HIPK3: variants seen among roughly 807,000 people sequenced by gnomAD.
The protein encoded by HIPK3 is homeodomain-interacting protein kinase 3.
In HIPK3, 47 loss-of-function variants were observed where a neutral mutation model predicts 124.2. The observed-to-expected ratio is 0.38, with a 90% CI of 0.30 to 0.48. HIPK3 has a LOEUF of 0.48. Ranked by LOEUF, HIPK3 falls within the 20% of genes least tolerant of loss-of-function variation. The pLI, the probability that HIPK3 is intolerant of heterozygous loss-of-function variation, is 0.98. For missense variants in HIPK3, 1,286 were observed against 1,454.3 expected (o/e 0.88, Z 1.88); for synonymous variants, 482 against 515.2 (o/e 0.94, Z 0.87).
chr11:33,309,638 T>C (rs1396610733), intron 2 of HIPK3, among the ~76,000 whole-genome samples: 2 of 152,242 alleles, frequency 1.3e-5, no homozygotes, highest in Non-Finnish European at 2.9e-5. Context: ...GGGGTTCAGA[T>C]TATACAGCAA....
chr11:33,352,359 T>A lies in HIPK3; in HGVS notation c.3171+94T>A, dbSNP rs955996048. ...AGAAAGCTTCTGAAACTGTATGTAG[T>A]GTTAATGAATTTTTCCCTTCTCATT... On this transcript the variant is annotated intron_variant, in intron 16 of 16. Transcript: ENST00000303296. The A allele has an allele frequency of 1.9e-5, 26 of 1,346,082 alleles. No homozygotes were observed. The East Asian group carries it at 6.0e-4, about 31-fold the overall frequency. 83.4% of individuals were successfully genotyped at this position (1,346,082 alleles called of 1,614,324 possible).
chr11:33,304,387 G>A (rs561119700), intron 2 of HIPK3, among the ~76,000 whole-genome samples: 4 of 152,124 alleles, frequency 2.6e-5, no homozygotes, highest in African/African-American at 2.4e-5. Flanking sequence ...GAGAAACCCC[G>A]TCTCTACTAA....
At chr11:33,340,920 C>A in intron 6 of HIPK3, 48 bp from the exon 7 acceptor site, 1 of 1,176,222 alleles carries the variant, frequency 8.5e-7, no homozygotes, top group Non-Finnish European at 1.2e-6. Context: ...CAATTTAAAA[C>A]TAAGCTTTTA....
chr11:33,333,254 C>T (rs567349347), intron 3 of HIPK3, among the ~76,000 whole-genome samples: 8 of 152,166 alleles, frequency 5.3e-5, no homozygotes, highest in East Asian at 1.9e-4. Context: ...TAAGGCGACA[C>T]GAGAGGAATT....
intron 8 of HIPK3, among the ~76,000 whole-genome samples, chr11:33,343,423 G>T (rs1446317017): frequency 6.6e-6 from 1 of 151,818 alleles, no homozygotes; most frequent in Admixed American, 6.6e-5. Flanking sequence ...GGGGTTACAG[G>T]TATGCACCAC....
At chr11:33,317,274 A>ATT (rs3028961) in intron 2 of HIPK3, among the ~76,000 whole-genome samples, 9,244 of 102,198 alleles carry the variant, frequency 0.09, 1,162 homozygotes, top group African/African-American at 0.25. Flanking sequence ...GCCTGGCCCT[A>ATT]TTTTTTTTTT....
intron 1 of HIPK3, among the ~76,000 whole-genome samples, chr11:33,265,250 A>G (rs949612920): frequency 2.6e-5 from 4 of 152,240 alleles, no homozygotes; most frequent in East Asian, 1.9e-4. Context: ...TTTTGGGCCA[A>G]CTTCTAATAA....
At chr11:33,296,373 C>G (rs1851842139) in intron 2 of HIPK3, among the ~76,000 whole-genome samples, 1 of 152,126 alleles carries the variant, frequency 6.6e-6, no homozygotes, top group East Asian at 1.9e-4. Flanking sequence ...GAAAACAGGA[C>G]CTGGACACAG....
At position 33,349,287 on chromosome 11, in the gene HIPK3, G is replaced by A. The variant is rs1173489214; in HGVS notation, c.2807G>A (p.Ser936Asn). Reference protein sequence around the residue: ...SSPSPCKRPNSMSDEEQESSC... With the variant: ...SSPSPCKRPNNMSDEEQESSC... ...CCATCCCCCTGCAAGAGACCGAATA[G>A]GTAAAAGAATCTCAATAGTAGTGTG... Residue 936 changes from serine to asparagine, a missense_variant and splice_region_variant, in exon 14 of 17, where the codon AGT becomes AAT. Coordinates refer to ENST00000303296, the MANE Select transcript of HIPK3 (RefSeq NM_005734.5). 1 of 1,608,628 alleles carries A rather than the reference G, an allele frequency of 6.2e-7. No homozygotes were observed. Among genetic ancestry groups the A allele is most frequent in the Non-Finnish European group, 8.5e-7 (1 of 1,177,956 alleles).
chr11:33,285,940 T>A (rs1178696337), intron 1 of HIPK3, among the ~76,000 whole-genome samples: 2 of 152,002 alleles, frequency 1.3e-5, no homozygotes, highest in Non-Finnish European at 2.9e-5. Flanking sequence ...CCCAGCTAAT[T>A]TTTGCATTAT....
chr11:33,345,548 TACA>T (rs199621512), intron 8 of HIPK3, among the ~76,000 whole-genome samples: 1,551 of 152,260 alleles, frequency 0.01, 8 homozygotes, highest in Non-Finnish European at 0.015. Context: ...GGAGAGAATT[TACA>T]GACAATGAGA....
chr11:33,279,842 C>CT lies in HIPK3; in HGVS notation c.-2-6567dup, dbSNP rs548972231. Among the ~76,000 whole-genome samples, 195 of 152,170 alleles carry CT rather than the reference C, an allele frequency of 1.3e-3. 1 individual carries two copies. Among genetic ancestry groups the CT allele is most frequent in the East Asian group, 6.4e-3 (33 of 5,188 alleles). On this transcript the variant is annotated intron_variant, in intron 1 of 16. Coordinates refer to ENST00000303296, the MANE Select transcript of HIPK3 (RefSeq NM_005734.5). Reference sequence around the variant, plus strand: ...TTTCTCCTCCTTCAAAGATGGCGCCCTTTTGCTGTATCCTTACGTGGTAGA... The same window carrying CT: ...TTTCTCCTCCTTCAAAGATGGCGCCCTTTTTGCTGTATCCTTACGTGGTAGA...
At chr11:33,278,378 G>A (rs984736506) in intron 1 of HIPK3, among the ~76,000 whole-genome samples, 2 of 152,170 alleles carry the variant, frequency 1.3e-5, no homozygotes, top group Admixed American at 1.3e-4. Flanking sequence ...AGGACAGAAT[G>A]TGAAGGGCTG....
chr11:33,295,277 G>GCCCCC (rs34093915), intron 2 of HIPK3, among the ~76,000 whole-genome samples: 170 of 106,638 alleles, frequency 1.6e-3, no homozygotes, highest in African/African-American at 2.2e-3. Flanking sequence ...AGCCACCACC[G>GCCCCC]CCCCCCCCCC....
At chr11:33,328,934 G>C (rs1299751397) in intron 3 of HIPK3, among the ~76,000 whole-genome samples, 3 of 152,106 alleles carry the variant, frequency 2.0e-5, no homozygotes. Context: ...CTTTGCTTGG[G>C]TGACAAACTT....
intron 2 of HIPK3, among the ~76,000 whole-genome samples, chr11:33,324,894 C>A (rs1852766704): frequency 6.6e-6 from 1 of 152,226 alleles, no homozygotes. Context: ...GTATGCTGCC[C>A]AGGCATCTTC....
intron 2 of HIPK3, among the ~76,000 whole-genome samples, chr11:33,307,152 T>C (rs575382676): frequency 2.0e-5 from 3 of 152,224 alleles, no homozygotes; most frequent in African/African-American, 7.2e-5. Context: ...TTGGCCAGGC[T>C]GGTGTTGAAC....
Position 33,308,476 on chromosome 11 carries a change from A to G in HIPK3, c.1098-20034A>G, listed in dbSNP as rs193121205. 3.1e-4 allele frequency among the ~76,000 whole-genome samples: 47 copies of G among 152,266 alleles called. No individual in the cohort carries two copies. In the East Asian group the frequency reaches 5.6e-3, roughly 18 times the overall value. The stretch of plus-strand genomic sequence containing the variant: ...GTCTGCACTTTAATTACATCATTCC[A>G]TTTAATTCTGCCTTCTATTATTTCC... On this transcript the variant is annotated intron_variant, in intron 2 of 16. Transcript: ENST00000303296.
chr11:33,298,036 T>C (rs950397343), intron 2 of HIPK3, among the ~76,000 whole-genome samples: 9 of 151,866 alleles, frequency 5.9e-5, no homozygotes, highest in Non-Finnish European at 1.0e-4. Flanking sequence ...TGATCCTCCC[T>C]CCTTGGCCTC....
Sources: allele counts gnomAD v4.1 joint callset (sites outside exome capture counted in the v4.1 genomes callset), GRCh38; gene constraint gnomAD v4.1.1; transcripts MANE v1.5; gene names NCBI Gene and HGNC (gene_info 2026-07-23, HGNC 2026-07-21).